Variants in KDM4D observed in about 807,000 individuals in gnomAD.
KDM4D encodes lysine-specific demethylase 4D.
For synonymous variants in KDM4D, 254 were observed against 249.1 expected, an observed-to-expected ratio of 1.02 and a Z score of -0.19; for missense variants, 427 against 674.8, an observed-to-expected ratio of 0.63 and a Z score of 4.07.
chr11:94,984,167 A>T (rs1293878499), intron 2 of KDM4D, among the ~76,000 whole-genome samples: 4 of 152,194 alleles, frequency 2.6e-5, no homozygotes, highest in African/African-American at 9.7e-5. Context: ...ATATATGAAT[A>T]TATCTTGAAA....
At chr11:94,991,229 A>T (rs587660906) in intron 2 of KDM4D, among the ~76,000 whole-genome samples, 2 of 152,334 alleles carry the variant, frequency 1.3e-5, no homozygotes, top group Admixed American at 1.3e-4. Flanking sequence ...AGGGAAGCAT[A>T]ATCACTAAAA....
chr11:94,987,913 A>C (rs1857901864), intron 2 of KDM4D, among the ~76,000 whole-genome samples: 1 of 135,476 alleles, frequency 7.4e-6, no homozygotes, highest in African/African-American at 2.7e-5. Context: ...GAGAGTAAAG[A>C]AAATTAGAGG....
intron 2 of KDM4D, among the ~76,000 whole-genome samples, chr11:94,986,413 G>C (rs587662821): frequency 6.6e-6 from 1 of 152,104 alleles, no homozygotes; most frequent in South Asian, 2.1e-4. Context: ...AACATAGTGA[G>C]ACCCTGTCTC....
At chr11:94,983,656 G>A (rs782103587) in intron 2 of KDM4D, among the ~76,000 whole-genome samples, 34 of 152,088 alleles carry the variant, frequency 2.2e-4, no homozygotes, top group Non-Finnish European at 4.4e-4. Flanking sequence ...TCAGAAAACC[G>A]AAACCCACAA....
intron 2 of KDM4D, among the ~76,000 whole-genome samples, chr11:94,979,359 A>T (rs1857824955): frequency 6.6e-6 from 1 of 152,022 alleles, no homozygotes; most frequent in African/African-American, 2.4e-5. Context: ...CCTCCCGAGT[A>T]GCTAGGATTA....
intron 2 of KDM4D, among the ~76,000 whole-genome samples, chr11:94,991,936 A>C (rs1675002576): frequency 6.6e-6 from 1 of 152,090 alleles, no homozygotes; most frequent in Admixed American, 6.6e-5. Context: ...ACACATAATG[A>C]ACAGGTCATC....
intron 2 of KDM4D, among the ~76,000 whole-genome samples, chr11:94,981,007 G>A (rs782455206): frequency 1.3e-5 from 2 of 152,102 alleles, no homozygotes; most frequent in Non-Finnish European, 2.9e-5. Context: ...AAGGGAAAAC[G>A]TATAACTTTC....
chr11:94,979,450 G>A (rs782441454), intron 2 of KDM4D, among the ~76,000 whole-genome samples: 2 of 151,974 alleles, frequency 1.3e-5, no homozygotes, highest in South Asian at 4.1e-4. Flanking sequence ...GGCTGGCCTC[G>A]AACTCCTGAC....
chr11:94,984,997 G>A (rs1209769480), intron 2 of KDM4D, among the ~76,000 whole-genome samples: 4 of 152,188 alleles, frequency 2.6e-5, no homozygotes, highest in Admixed American at 2.6e-4. Flanking sequence ...TCAGATCAGA[G>A]AAGGAATCCC....
rs181806782 is a variant in KDM4D, at chr11:94,975,571, A to G, written c.-444-83A>G. The stretch of plus-strand genomic sequence containing the variant: ...TAAAGTGCTTAGAACTGTCTCAGCA[A>G]ATAGTACTTGCTAAATAAATGTTAG... On this transcript the variant is annotated intron_variant, in intron 1 of 2. Transcript: ENST00000335080. 1.1e-4 allele frequency: 17 copies of G among 152,078 alleles called. No individual in the cohort carries two copies. The East Asian group carries it at 3.1e-3, about 28-fold the overall frequency. 9.4% of individuals were successfully genotyped at this position (152,078 alleles called of 1,614,324 possible). A position where few individuals can be genotyped will look rare whatever the true frequency, so the allele number is the denominator to read the frequency against.
chr11:94,981,430 C>T (rs1244008802), intron 2 of KDM4D, among the ~76,000 whole-genome samples: 1 of 151,708 alleles, frequency 6.6e-6, no homozygotes, highest in Non-Finnish European at 1.5e-5. Flanking sequence ...GAATATCTTT[C>T]TTGAATGTTG....
At chr11:94,977,837 C>T (rs913553812) in intron 2 of KDM4D, among the ~76,000 whole-genome samples, 4 of 151,930 alleles carry the variant, frequency 2.6e-5, no homozygotes, top group Admixed American at 2.0e-4. Context: ...CAATGCCTGG[C>T]ACCAATAGCT....
In KDM4D at chr11:94,993,269, T is replaced by C. The variant is rs187462581; in HGVS notation, c.-349-3755T>C. Among the ~76,000 whole-genome samples the C allele has an allele frequency of 2.5e-3, 386 of 152,322 alleles. 2 individuals carry two copies. The highest frequency in any genetic ancestry group is 9.2e-3 in the African/African-American group (383 of 41,576). ...CTGATAAGAAAATACTTTTCTTTGG[T>C]TGTCAGAACTGTCAAGTTTTCTTAG... On this transcript the variant is annotated intron_variant, in intron 2 of 2. Transcript: ENST00000335080.
chr11:94,975,170 A>G (rs6483383), intron 1 of KDM4D, among the ~76,000 whole-genome samples: 145,865 of 152,114 alleles, frequency 0.96, 70,208 homozygotes, highest in East Asian at 1. Context: ...TGTGCCCCAA[A>G]GTAACTGTAT....
chr11:94,981,658 T>C (rs1377660395), intron 2 of KDM4D, among the ~76,000 whole-genome samples: 2 of 152,072 alleles, frequency 1.3e-5, no homozygotes, highest in Admixed American at 1.3e-4. Flanking sequence ...TTGTCTCTTT[T>C]ATGTCTGCAG....
rs1349947324 is a variant in KDM4D at position 94,997,156 on chromosome 11, G to A, written c.-217G>A. The A allele has an allele frequency of 3.3e-5, 14 of 421,350 alleles. No individual in the cohort carries two copies. The highest frequency in any genetic ancestry group is 6.2e-5 in the African/African-American group (3 of 48,612). The allele number at this position is 421,350 out of a possible 1,614,324, so 26.1% of individuals were successfully genotyped here. ...TAACAGAGTTGCAGGATCAGCTAAC[G>A]TCAATGCCTGGGCAAAGCTGCTGCC... is the stretch of plus-strand genomic sequence containing the variant. On this transcript the variant is annotated 5_prime_UTR_variant, in exon 3 of 3. Transcript: ENST00000335080.
chr11:94,999,066 C>T lies in KDM4D; in HGVS notation c.*122C>T, dbSNP rs1858005076. On this transcript the variant is annotated 3_prime_UTR_variant, in exon 3 of 3. Transcript: ENST00000335080. ...ACTCTAGGCATGCATGAAAGAGCCC[C>T]CCTGGTGATGCCCTTGGATGCTGCC... 6.5e-6 allele frequency: 6 copies of T among 924,896 alleles called. No homozygotes were observed. The South Asian group carries it at 1.8e-4, about 28-fold the overall frequency. The allele number at this position is 924,896 out of a possible 1,614,324, so 57.3% of individuals were successfully genotyped here.
In KDM4D at chr11:94,997,394, G is replaced by T. The variant is rs782571259; in HGVS notation, c.22G>T (p.Ala8Ser). ...TTAAATGGAAACTATGAAGTCTAAGGCCAACTGTGCCCAGAATCCAAATTG... is the reference window on the plus strand; with the variant it reads ...TTAAATGGAAACTATGAAGTCTAAGTCCAACTGTGCCCAGAATCCAAATTG... The part of the protein sequence containing the change: METMKSK[A>S]NCAQNPNCNI... The change falls in exon 3 of 3, where the codon GCC becomes TCC. Residue 8 changes from alanine to serine, a missense_variant. Coordinates refer to ENST00000335080, the MANE Select transcript of KDM4D (RefSeq NM_018039.3). 1.2e-6 allele frequency: 2 copies of T among 1,610,572 alleles called. No individual in the cohort carries two copies. The highest frequency in any genetic ancestry group is 4.5e-5 in the East Asian group (2 of 44,866).
intron 2 of KDM4D, among the ~76,000 whole-genome samples, chr11:94,981,728 T>C (rs1857844537): frequency 6.6e-6 from 1 of 151,956 alleles, no homozygotes. Context: ...CTTCTATTTT[T>C]GTTCTTCCTC....
Sources: allele counts gnomAD v4.1 joint callset (sites outside exome capture counted in the v4.1 genomes callset), GRCh38; gene constraint gnomAD v4.1.1; transcripts MANE v1.5; gene names NCBI Gene and HGNC (gene_info 2026-07-23, HGNC 2026-07-21).